Variants in ARID4B observed in about 807,000 individuals in gnomAD.
ARID4B encodes AT-rich interaction domain 4B.
Under a neutral mutation model 147.5 loss-of-function variants are expected in ARID4B, and 26 were observed. The observed-to-expected ratio is 0.18, with a 90% CI of 0.13 to 0.24. ARID4B has a LOEUF of 0.24. Among genes scored for constraint, ARID4B ranks in the 10% least tolerant of loss-of-function variants. The pLI is 1.00. For missense variants in ARID4B, 1,179 were observed against 1,511.5 expected, an observed-to-expected ratio of 0.78 and a Z score of 3.65; for synonymous variants, 512 against 507.9, an observed-to-expected ratio of 1.01 and a Z score of -0.11.
intron 20 of ARID4B, among the ~76,000 whole-genome samples, chr1:235,179,713 TTTG>T (rs900034639): frequency 1.6e-4 from 25 of 151,956 alleles, no homozygotes; most frequent in African/African-American, 4.8e-4. Context: ...CCTCTTTTTT[TTTG>T]TTGTTAATTT....
chr1:235,242,206 C>T (rs1237155554), intron 7 of ARID4B, among the ~76,000 whole-genome samples: 1 of 151,220 alleles, frequency 6.6e-6, no homozygotes, highest in Non-Finnish European at 1.5e-5. Flanking sequence ...CGATATCGCA[C>T]CACTGCACTC....
At chr1:235,185,946 C>CA (rs1664644380) in intron 19 of ARID4B, among the ~76,000 whole-genome samples, 1 of 149,662 alleles carries the variant, frequency 6.7e-6, no homozygotes, top group Non-Finnish European at 1.5e-5. Context: ...TTGTGTCTGT[C>CA]AGTTCTGGAA....
At chr1:235,275,448 T>G (rs1314754063) in intron 2 of ARID4B, among the ~76,000 whole-genome samples, 3 of 152,046 alleles carry the variant, frequency 2.0e-5, no homozygotes, top group Admixed American at 1.3e-4. Context: ...ATAAAACAGA[T>G]GCAGAGGGGG....
chr1:235,174,576 G>A (rs1053734734), intron 22 of ARID4B, among the ~76,000 whole-genome samples: 66 of 151,972 alleles, frequency 4.3e-4, no homozygotes, highest in African/African-American at 1.6e-3. Context: ...AGAGGCGGAT[G>A]GATCACCTGA....
At position 235,209,720 on chromosome 1, in the gene ARID4B, T is replaced by G. The variant is rs1460983226; in HGVS notation, c.1841+4049A>C. Reference sequence around the variant, plus strand: ...ATCGGATTACAGGCACCTGCCACCATGTCTGGCTAATTTTTGTATTTTTAG... The same window carrying G: ...ATCGGATTACAGGCACCTGCCACCAGGTCTGGCTAATTTTTGTATTTTTAG... On this transcript the variant is annotated intron_variant, in intron 17 of 23. Coordinates refer to ENST00000264183, the MANE Select transcript of ARID4B (RefSeq NM_016374.6). Among the ~76,000 whole-genome samples, 6 of 151,886 alleles carry G rather than the reference T, an allele frequency of 4.0e-5. No homozygotes were observed. The South Asian group carries it at 1.3e-3, about 32-fold the overall frequency.
chr1:235,271,023 A>G (rs1670947755), intron 2 of ARID4B, among the ~76,000 whole-genome samples: 1 of 152,194 alleles, frequency 6.6e-6, no homozygotes, highest in Non-Finnish European at 1.5e-5. Context: ...CACTAAAGAC[A>G]GCATCTGGAG....
chr1:235,172,886 T>TGGCCGGGCGCGGTGGC, intron 22 of ARID4B, 122 bp from the exon 23 acceptor site: 1 of 798,818 alleles, frequency 1.3e-6, no homozygotes, highest in Non-Finnish European at 1.8e-6. Context: ...AAACTAAGGC[T>TGGCCGGGCGCGGTGGC]TCTGAAATAT....
chr1:235,203,526 T>C (rs952205254), intron 17 of ARID4B, among the ~76,000 whole-genome samples: 3 of 152,188 alleles, frequency 2.0e-5, no homozygotes, highest in African/African-American at 7.2e-5. Context: ...GAAATATGTA[T>C]AGATAAGATA....
At chr1:235,210,579 G>A (rs538064906) in intron 17 of ARID4B, among the ~76,000 whole-genome samples, 1 of 152,264 alleles carries the variant, frequency 6.6e-6, no homozygotes, top group Non-Finnish European at 1.5e-5. Context: ...AAATAGTTAT[G>A]TTAACTCTAA....
At chr1:235,257,076 A>T in intron 4 of ARID4B, 84 bp downstream of exon 4, 1 of 938,218 alleles carries the variant, frequency 1.1e-6, no homozygotes. Flanking sequence ...TCAACTCAAT[A>T]ACAAAAGAGC....
At chr1:235,200,180 C>T (rs771844831) in intron 17 of ARID4B, among the ~76,000 whole-genome samples, 8 of 151,744 alleles carry the variant, frequency 5.3e-5, no homozygotes, top group East Asian at 1.9e-4. Flanking sequence ...TTAGGCCGGG[C>T]GCAGTGGCTC....
intron 2 of ARID4B, chr1:235,296,368 C>T (rs1672706953): frequency 6.6e-6 from 1 of 152,218 alleles, no homozygotes; most frequent in Non-Finnish European, 1.5e-5. Context: ...ACTAAATAGA[C>T]ATATTTTTCA....
chr1:235,173,759 AAAAAAAAAAAAAATATATAT>A (rs1663565080), intron 22 of ARID4B, among the ~76,000 whole-genome samples: 1 of 50,884 alleles, frequency 2.0e-5, no homozygotes, highest in Non-Finnish European at 3.3e-5. Context: ...AAAAAAAAAA[AAAAAAAAAAAAAATATATAT>A]ATATATATAT....
chr1:235,261,142 ATCT>A (rs1199547355), intron 2 of ARID4B, among the ~76,000 whole-genome samples: 1 of 152,128 alleles, frequency 6.6e-6, no homozygotes, highest in Non-Finnish European at 1.5e-5. Context: ...TGGGGGGGAA[ATCT>A]TCTAATATTT....
chr1:235,167,896 A>C lies in ARID4B; in HGVS notation c.*629T>G, dbSNP rs966879746. 2.0e-5 allele frequency: 4 copies of C among 197,788 alleles called. No individual in the cohort carries two copies. In the Admixed American group the frequency reaches 2.4e-4, roughly 12 times the overall value. 12.3% of individuals were successfully genotyped at this position (197,788 alleles called of 1,614,324 possible). A position where few individuals can be genotyped will look rare whatever the true frequency, so the allele number is the denominator to read the frequency against. On this transcript the variant is annotated 3_prime_UTR_variant, in exon 24 of 24. Transcript: ENST00000264183. ...TCCATTCCAATTTGAAGGGCCATGA[A>C]AAGCCACTGCAAGACCTTTTAGCCT... is the stretch of plus-strand genomic sequence containing the variant.
chr1:235,233,417 A>G (rs1017209941), intron 9 of ARID4B, among the ~76,000 whole-genome samples: 2 of 152,140 alleles, frequency 1.3e-5, no homozygotes, highest in African/African-American at 4.8e-5. Context: ...TGGGTGAAAG[A>G]GTGAGACCCT....
At chr1:235,204,642 AGC>A (rs1295091612) in intron 17 of ARID4B, among the ~76,000 whole-genome samples, 1 of 152,248 alleles carries the variant, frequency 6.6e-6, no homozygotes, top group East Asian at 1.9e-4. Context: ...ATTTTACCAA[AGC>A]GTACAAAGAC....
intron 2 of ARID4B, among the ~76,000 whole-genome samples, chr1:235,316,236 A>G (rs373585660): frequency 6.6e-6 from 1 of 152,186 alleles, no homozygotes; most frequent in Admixed American, 6.5e-5. Flanking sequence ...AGTGGGGTGC[A>G]GTGGCTCACA....
intron 2 of ARID4B, among the ~76,000 whole-genome samples, chr1:235,321,909 C>T (rs1187912330): frequency 6.6e-6 from 1 of 152,030 alleles, no homozygotes; most frequent in Non-Finnish European, 1.5e-5. Context: ...GAATTTCCAT[C>T]CTTACATTCA....
Sources: allele counts gnomAD v4.1 joint callset (sites outside exome capture counted in the v4.1 genomes callset), GRCh38; gene constraint gnomAD v4.1.1; transcripts MANE v1.5; gene names NCBI Gene and HGNC (gene_info 2026-07-23, HGNC 2026-07-21).